The following WASHC4 variants were observed in gnomAD, a reference collection of about 807,000 sequenced individuals.
The protein encoded by WASHC4 is WASH complex subunit 4.
A neutral mutation model predicts 166.6 loss-of-function variants in WASHC4; 86 were observed. The observed-to-expected ratio is 0.52, with a 90% CI of 0.43 to 0.62. The LOEUF (loss-of-function observed/expected upper bound fraction) is 0.62. WASHC4 is among the 20% of genes least tolerant of loss of function. The pLI, the probability that WASHC4 is intolerant of heterozygous loss-of-function variation, is 0.00. For missense variants in WASHC4, 1,262 were observed against 1,382.4 expected, an observed-to-expected ratio of 0.91 and a Z score of 1.38; for synonymous variants, 446 against 451.6, an observed-to-expected ratio of 0.99 and a Z score of 0.16.
At chr12:105,119,194 G>A (rs1053738061) in intron 7 of WASHC4, among the ~76,000 whole-genome samples, 8 of 152,126 alleles carry the variant, frequency 5.3e-5, no homozygotes, top group Non-Finnish European at 8.8e-5. Context: ...ATTGGTGCTC[G>A]TGCCACTGAG....
At position 105,120,571 on chromosome 12, in the gene WASHC4, A is replaced by G; in HGVS notation, c.535A>G (p.Ile179Val). Reference protein sequence around the residue: ...YISNKIAPKIIETTGVHFQTM... With the variant: ...YISNKIAPKIVETTGVHFQTM... ...TTATTATAGGATTGCACCCAAAATT[A>G]TAGAGACAACTGGAGTTCATTTTCA... Residue 179 changes from isoleucine (I) to valine (V), a missense_variant, in exon 8 of 33, where the codon ATA (isoleucine) becomes GTA (valine). Ile to Val is a conservative substitution (Grantham distance 29). Coordinates refer to ENST00000332180, the MANE Select transcript of WASHC4 (RefSeq NM_015275.3). 6.2e-7 allele frequency: 1 copy of G among 1,602,524 alleles called. No homozygotes were observed. The highest frequency in any genetic ancestry group is 8.5e-7 in the Non-Finnish European group (1 of 1,169,598).
intron 10 of WASHC4, among the ~76,000 whole-genome samples, chr12:105,124,876 C>T (rs1405506881): frequency 6.6e-6 from 1 of 152,154 alleles, no homozygotes; most frequent in Non-Finnish European, 1.5e-5. Flanking sequence ...ATGGTAGCTT[C>T]TAACTACATG....
At chr12:105,139,425 G>GTGTGTGTATATATA in intron 15 of WASHC4, among the ~76,000 whole-genome samples, 2 of 103,228 alleles carry the variant, frequency 1.9e-5, no homozygotes. Flanking sequence ...ATGTGTGTGT[G>GTGTGTGTATATATA]TATATATATA....
At chr12:105,164,005 AG>A in intron 30 of WASHC4, 105 bp from the exon 31 acceptor site, 1 of 1,005,936 alleles carries the variant, frequency 9.9e-7, no homozygotes, top group South Asian at 1.4e-5. Flanking sequence ...TTAAAATGCT[AG>A]GAATTATTAC....
Position 105,139,425 on chromosome 12 carries a change from G to GTGTATATATATATA in WASHC4, c.1453-868_1453-867insGTATATATATATAT. Among the ~76,000 whole-genome samples the GTGTATATATATATA allele has an allele frequency of 2.8e-3, 288 of 103,164 alleles. 2 individuals carry two copies. The highest frequency in any genetic ancestry group is 6.5e-3 in the Middle Eastern group (1 of 154). 67.7% of individuals were successfully genotyped at this position (103,164 alleles called of 152,430 possible). On this transcript the variant is annotated intron_variant, in intron 15 of 32. Coordinates refer to ENST00000332180, the MANE Select transcript of WASHC4 (RefSeq NM_015275.3). The stretch of plus-strand genomic sequence containing the variant: ...AGACAGACTATATATATGTGTGTGT[G>GTGTATATATATATA]TATATATATATATATATATATATAT...
intron 13 of WASHC4, among the ~76,000 whole-genome samples, chr12:105,130,200 T>C (rs1881671930): frequency 6.6e-6 from 1 of 152,102 alleles, no homozygotes; most frequent in Non-Finnish European, 1.5e-5. Flanking sequence ...ATAAAATGAG[T>C]CTTAGAGAAA....
At chr12:105,164,043 T>TA (rs1884660506) in intron 30 of WASHC4, 68 bp from the exon 31 acceptor site, 1 of 1,345,070 alleles carries the variant, frequency 7.4e-7, no homozygotes, top group Admixed American at 1.7e-5. Flanking sequence ...TGGGAATTAT[T>TA]GGTGAAGGAG....
In WASHC4 at chr12:105,126,333, T is replaced by TA. The variant is rs1264673407; in HGVS notation, c.1010dup (p.Tyr337Ter). 2 of 1,590,626 alleles carry TA rather than the reference T, an allele frequency of 1.3e-6. No homozygotes were observed. ...QIFRTIDKKF[Y>*]KSLLDICKKV... is the part of the protein sequence containing the mutation. ...TTTTCGAACTATTGATAAAAAGTTT[T>TA]ATAAGTCTTTATTGGACATTTGTAA... Residue 337 changes from tyrosine (Y) to a stop codon, truncating the protein, a stop_gained and frameshift_variant, in exon 12 of 33, where the codon TAT (tyrosine) becomes TAAT (stop). Transcript: ENST00000332180. LOFTEE classifies it high-confidence loss of function.
At chr12:105,111,471 C>T (rs904518052) in intron 2 of WASHC4, among the ~76,000 whole-genome samples, 1 of 152,196 alleles carries the variant, frequency 6.6e-6, no homozygotes, top group Non-Finnish European at 1.5e-5. Flanking sequence ...GACAAACACA[C>T]AGCCTTTAGT....
intron 14 of WASHC4, among the ~76,000 whole-genome samples, chr12:105,135,399 GT>G (rs1321444698): frequency 2.3e-3 from 328 of 144,826 alleles, no homozygotes; most frequent in African/African-American, 7.4e-3. Context: ...GGTTGGTGGG[GT>G]TTTTTTTTTT....
In WASHC4 at chr12:105,144,390, A is replaced by G; in HGVS notation, c.2114A>G (p.Lys705Arg). 2 of 1,613,648 alleles carry G rather than the reference A, an allele frequency of 1.2e-6. No homozygotes were observed. Among genetic ancestry groups the G allele is most frequent in the Non-Finnish European group, 1.7e-6 (2 of 1,179,632 alleles). The change falls in exon 21 of 33, where the codon AAA (lysine) becomes AGA (arginine). Residue 705 changes from lysine (K) to arginine (R), a missense_variant. By Grantham distance (26) the Lys-to-Arg change is conservative. Coordinates refer to ENST00000332180, the MANE Select transcript of WASHC4 (RefSeq NM_015275.3). ...CGAAACCCTTTCAAAGTTGGCATGA[A>G]AGACCTGGCTCTTTTTTTCTCTCTG... ...DDRNPFKVGM[K>R]DLALFFSLNP... is the part of the protein sequence containing the mutation.
At chr12:105,141,462 C>G (rs1440867617) in intron 18 of WASHC4, among the ~76,000 whole-genome samples, 1 of 152,196 alleles carries the variant, frequency 6.6e-6, no homozygotes, top group African/African-American at 2.4e-5. Flanking sequence ...GAAAAACTCA[C>G]ATGAGAAAAA....
At chr12:105,132,046 G>C (rs1881871586) in intron 13 of WASHC4, among the ~76,000 whole-genome samples, 1 of 152,194 alleles carries the variant, frequency 6.6e-6, no homozygotes, top group Non-Finnish European at 1.5e-5. Flanking sequence ...CTATCCTTTA[G>C]CTGATTCTGA....
rs934023742 is a variant in WASHC4, at chr12:105,152,320, T to C, written c.2650-23T>C. On this transcript the variant is annotated intron_variant, in intron 25 of 32. Transcript: ENST00000332180. ...GTGCTTTAGAAATCTTTATTAAAAGTAGCCTTAAAATTTTCTGTCTAGTAT... is the reference window on the plus strand; with the variant it reads ...GTGCTTTAGAAATCTTTATTAAAAGCAGCCTTAAAATTTTCTGTCTAGTAT... 9 of 1,199,148 alleles carry C rather than the reference T, an allele frequency of 7.5e-6. No individual in the cohort carries two copies. In the African/African-American group the frequency reaches 1.0e-4, roughly 14 times the overall value. 74.3% of individuals were successfully genotyped at this position (1,199,148 alleles called of 1,614,324 possible).
intron 24 of WASHC4, chr12:105,148,253 TGAA>T: frequency 1.0e-6 from 1 of 985,356 alleles, no homozygotes; most frequent in Non-Finnish European, 1.2e-6. Flanking sequence ...AAATTCCAAA[TGAA>T]GAGTCATCCA....
At chr12:105,138,260 A>AT (rs756419184) in intron 15 of WASHC4, among the ~76,000 whole-genome samples, 1 of 151,960 alleles carries the variant, frequency 6.6e-6, no homozygotes, top group African/African-American at 2.4e-5. Context: ...TAAAAAAAAA[A>AT]GTTAATGTAG....
At chr12:105,110,228 A>G (rs1879535801) in intron 1 of WASHC4, among the ~76,000 whole-genome samples, 1 of 152,224 alleles carries the variant, frequency 6.6e-6, no homozygotes, top group South Asian at 2.1e-4. Context: ...ATACTTTAAT[A>G]CAGCATGAGT....
At chr12:105,135,912 G>C (rs1428604779) in intron 14 of WASHC4, among the ~76,000 whole-genome samples, 12 of 152,032 alleles carry the variant, frequency 7.9e-5, no homozygotes, top group Admixed American at 7.9e-4. Flanking sequence ...TATATACCCA[G>C]TTATTTTTTA....
At chr12:105,119,769 T>C (rs1880550310) in intron 7 of WASHC4, among the ~76,000 whole-genome samples, 1 of 152,246 alleles carries the variant, frequency 6.6e-6, no homozygotes, top group African/African-American at 2.4e-5. Flanking sequence ...AATATCTATA[T>C]GTGCTTTAAT....
Sources: gnomAD v4.1 joint callset for allele counts (sites outside exome capture counted in the v4.1 genomes callset) on GRCh38, gnomAD v4.1.1 for gene constraint, MANE v1.5 for transcripts, NCBI Gene and HGNC (gene_info 2026-07-23, HGNC 2026-07-21) for gene names.